LIG1: variants seen among roughly 807,000 people sequenced by gnomAD.
LIG1 encodes DNA ligase 1.
In LIG1, 70 loss-of-function variants were observed where a neutral mutation model predicts 115.7. That is an observed-to-expected ratio of 0.60 (90% CI 0.50 to 0.74). The LOEUF (loss-of-function observed/expected upper bound fraction) is 0.74. Among genes scored for constraint, LIG1 ranks in the 30% least tolerant of loss-of-function variants. LIG1 has a pLI of 0.00. For synonymous variants in LIG1, 487 were observed against 495.3 expected, an observed-to-expected ratio of 0.98 and a Z score of 0.22; for missense variants, 1,115 against 1,225.6, an observed-to-expected ratio of 0.91 and a Z score of 1.35.
chr19:48,164,548 T>A (rs955144308), intron 2 of LIG1, among the ~76,000 whole-genome samples: 1 of 152,212 alleles, frequency 6.6e-6, no homozygotes, highest in Non-Finnish European at 1.5e-5. Context: ...GATAGGTATG[T>A]GGCCCAGGCT....
Position 48,137,220 on chromosome 19 carries a change from C to A in LIG1, c.1255-136G>T. On this transcript the variant is annotated intron_variant, in intron 13 of 27. Coordinates refer to ENST00000263274, the MANE Select transcript of LIG1 (RefSeq NM_000234.3). The surrounding 1 kb of genome is among the most constrained non-coding windows in gnomAD (Gnocchi z 4.3). ...CACCCCATCCCCATGTCCCAGCTCC[C>A]ATGGCCGCCCACTCTTAGGGCAGTA... 1 of 803,360 alleles carries A rather than the reference C, an allele frequency of 1.2e-6. No individual in the cohort carries two copies. Among genetic ancestry groups the A allele is most frequent in the Non-Finnish European group, 2.1e-6 (1 of 478,768 alleles). 49.8% of individuals were successfully genotyped at this position (803,360 alleles called of 1,614,324 possible). A position where few individuals can be genotyped will look rare whatever the true frequency, so the allele number is the denominator to read the frequency against.
At chr19:48,117,455 C>T (rs1048468531) in intron 26 of LIG1, among the ~76,000 whole-genome samples, 183 bp downstream of exon 26, 3 of 152,248 alleles carry the variant, frequency 2.0e-5, no homozygotes, top group South Asian at 2.1e-4. Context: ...CCCCCATGCC[C>T]GGCCCATTTT....
In LIG1 at chr19:48,137,567, C is replaced by T. The variant is rs1466321616; in HGVS notation, c.1209G>A (p.Gly403=). The T allele has an allele frequency of 6.2e-7, 1 of 1,613,378 alleles. No homozygotes were observed. Among genetic ancestry groups the T allele is most frequent in the Non-Finnish European group, 8.5e-7 (1 of 1,180,018 alleles). Residue 403 remains glycine, a synonymous_variant, in exon 13 of 28, where the codon GGG becomes GGA. Coordinates refer to ENST00000263274, the MANE Select transcript of LIG1 (RefSeq NM_000234.3). This position sits in a 1 kb window ranked among gnomAD's most constrained non-coding sequence, Gnocchi z 4.3. ...CGATGTCGCGGAACTTGCTGAAGAC[C>T]CCGGAGGCAGTGAGCGGAGGTGGTG... is the stretch of plus-strand genomic sequence containing the variant. ...MLPPPPLTAS[G]VFSKFRDIAR...
Position 48,119,118 on chromosome 19 carries a change from C to G in LIG1, c.2439+19G>C. The G allele has an allele frequency of 6.4e-7, 1 of 1,564,528 alleles. No individual in the cohort carries two copies. Among genetic ancestry groups the G allele is most frequent in the Non-Finnish European group, 8.7e-7 (1 of 1,153,732 alleles). Reference sequence around the variant, plus strand: ...GGGGGGAGAGGGGTGGAGGCTGAGGCGCAGCCGCCATGGCTCACCTTGAGG... The same window carrying G: ...GGGGGGAGAGGGGTGGAGGCTGAGGGGCAGCCGCCATGGCTCACCTTGAGG... On this transcript the variant is annotated intron_variant, in intron 25 of 27. Transcript: ENST00000263274.
intron 18 of LIG1, among the ~76,000 whole-genome samples, chr19:48,131,474 G>A (rs2034020386): frequency 6.6e-6 from 1 of 152,182 alleles, no homozygotes; most frequent in Non-Finnish European, 1.5e-5. Context: ...ATCTCATTCT[G>A]ATTTTTTTTT....
At position 48,117,686 on chromosome 19, in the gene LIG1, C is replaced by A. The variant is rs145821638; in HGVS notation, c.2535G>T (p.Lys845Asn). The change falls in exon 26 of 28, where the codon AAG becomes AAT. Residue 845 changes from lysine to asparagine, a missense_variant. Coordinates refer to ENST00000263274, the MANE Select transcript of LIG1 (RefSeq NM_000234.3). ...WLDPSAVWEV[K>N]CADLSLSPIY... ...TGGGAGAGAGGGAGAGGTCAGCGCA[C>A]TTCACCTCCCACACAGCGCTGGGGT... The A allele has an allele frequency of 1.4e-3, 2,319 of 1,612,512 alleles. 4 individuals are homozygous for A. The highest frequency in any genetic ancestry group is 1.8e-3 in the Non-Finnish European group (2,156 of 1,179,634).
intron 6 of LIG1, 31 bp from the exon 7 acceptor site, chr19:48,151,370 A>G: frequency 7.3e-7 from 1 of 1,368,498 alleles, no homozygotes; most frequent in Non-Finnish European, 1.0e-6. Flanking sequence ...CAGATGGCAA[A>G]AAAATCCCAT....
At chr19:48,161,211 T>G in intron 4 of LIG1, 161 bp downstream of exon 4, 1 of 1,030,148 alleles carries the variant, frequency 9.7e-7, no homozygotes, top group Non-Finnish European at 1.5e-6. Flanking sequence ...GCAGGGGCAA[T>G]TAGGACCAGG....
At chr19:48,167,117 A>T (rs2036527183) in intron 1 of LIG1, among the ~76,000 whole-genome samples, 1 of 151,238 alleles carries the variant, frequency 6.6e-6, no homozygotes, top group South Asian at 2.1e-4. Flanking sequence ...GTAAACTTCT[A>T]ATTGGAACTG....
In LIG1 at chr19:48,151,357, G is replaced by A. The variant is rs568854434; in HGVS notation, c.467-18C>T. 296 of 1,485,620 alleles carry A rather than the reference G, an allele frequency of 2.0e-4. 2 individuals carry two copies. The South Asian group carries it at 2.6e-3, about 13-fold the overall frequency. 92.0% of individuals were successfully genotyped at this position (1,485,620 alleles called of 1,614,324 possible). A position where few individuals can be genotyped will look rare whatever the true frequency, so the allele number is the denominator to read the frequency against. ...CTCCTCTTCTGACGATAGACAGAACGGTCAGATGGCAAAAAAATCCCATTG... is the reference window on the plus strand; with the variant it reads ...CTCCTCTTCTGACGATAGACAGAACAGTCAGATGGCAAAAAAATCCCATTG... On this transcript the variant is annotated intron_variant, in intron 6 of 27. Coordinates refer to ENST00000263274, the MANE Select transcript of LIG1 (RefSeq NM_000234.3).
intron 4 of LIG1, among the ~76,000 whole-genome samples, chr19:48,159,525 T>C (rs924743697): frequency 3.3e-5 from 5 of 152,188 alleles, no homozygotes; most frequent in African/African-American, 4.8e-5. Flanking sequence ...TTAGGTTACA[T>C]GGCAAAGGGT....
Position 48,137,422 on chromosome 19 carries a change from C to A in LIG1, c.1254+100G>T, listed in dbSNP as rs147964398. On this transcript the variant is annotated intron_variant, in intron 13 of 27. Transcript: ENST00000263274. This position sits in a 1 kb window ranked among gnomAD's most constrained non-coding sequence, Gnocchi z 4.3. Reference sequence around the variant, plus strand: ...GTGCACCCCATGAGAAGGACTGATGCGACCCAGCTGATGGTCTACCCAGAA... The same window carrying A: ...GTGCACCCCATGAGAAGGACTGATGAGACCCAGCTGATGGTCTACCCAGAA... The A allele has an allele frequency of 1.4e-6, 2 of 1,455,904 alleles. No homozygotes were observed. Among genetic ancestry groups the A allele is most frequent in the South Asian group, 1.2e-5 (1 of 83,602 alleles). 90.2% of individuals were successfully genotyped at this position (1,455,904 alleles called of 1,614,324 possible). A position where few individuals can be genotyped will look rare whatever the true frequency, so the allele number is the denominator to read the frequency against.
intron 6 of LIG1, among the ~76,000 whole-genome samples, chr19:48,152,610 T>G (rs779051912): frequency 6.6e-6 from 1 of 152,180 alleles, no homozygotes; most frequent in Non-Finnish European, 1.5e-5. Context: ...GGGAACTCAC[T>G]GGGCGCTGCA....
chr19:48,156,965 GA>G, intron 5 of LIG1, 48 bp downstream of exon 5: 1 of 1,011,866 alleles, frequency 9.9e-7, no homozygotes, highest in Non-Finnish European at 1.3e-6. Context: ...AAAAAAAAGA[GA>G]AAAAGAAAGG....
At chr19:48,159,508 G>A (rs2036048866) in intron 4 of LIG1, among the ~76,000 whole-genome samples, 1 of 152,312 alleles carries the variant, frequency 6.6e-6, no homozygotes, top group Admixed American at 6.5e-5. Flanking sequence ...TGGAACCTGG[G>A]AATATGTTAG....
intron 9 of LIG1, among the ~76,000 whole-genome samples, chr19:48,148,882 C>T (rs927500767): frequency 2.0e-5 from 3 of 152,192 alleles, no homozygotes; most frequent in Admixed American, 6.5e-5. Context: ...AAGCACATCA[C>T]GAGGGCTGGG....
chr19:48,136,815 C>T lies in LIG1; in HGVS notation c.1331+193G>A, dbSNP rs1184816775. Among the ~76,000 whole-genome samples, 6 of 152,238 alleles carry T rather than the reference C, an allele frequency of 3.9e-5. No homozygotes were observed. The East Asian group carries it at 5.8e-4, about 15-fold the overall frequency. ...CAGGGGCCTTCTCTAGACAGCACTA[C>T]CAAGGGACAGAAGCTGGCCTGTGAA... On this transcript the variant is annotated intron_variant, in intron 14 of 27. Transcript: ENST00000263274.
In LIG1 at chr19:48,117,794, G is replaced by A. The variant is rs768106542; in HGVS notation, c.2440-13C>T. 9.3e-6 allele frequency: 15 copies of A among 1,610,878 alleles called. No individual in the cohort carries two copies. The highest frequency in any genetic ancestry group is 1.6e-4 in the Middle Eastern group (1 of 6,078). On this transcript the variant is annotated splice_polypyrimidine_tract_variant and intron_variant, in intron 25 of 27. Transcript: ENST00000263274. ...GCAGCACCAGCGCCTGCAGTGAGCA[G>A]AGGAAGAGAGGAACAGAGGGTCTGG...
intron 21 of LIG1, among the ~76,000 whole-genome samples, chr19:48,124,392 C>A (rs1261716723): frequency 6.6e-6 from 1 of 152,158 alleles, no homozygotes; most frequent in Non-Finnish European, 1.5e-5. Context: ...CTCTGTGTAC[C>A]TCAGAGCTCC....
Sources: allele counts gnomAD v4.1 joint callset (sites outside exome capture counted in the v4.1 genomes callset), GRCh38; gene constraint gnomAD v4.1.1; non-coding constraint Gnocchi (gnomAD v3.1); transcripts MANE v1.5; gene names NCBI Gene and HGNC (gene_info 2026-07-23, HGNC 2026-07-21).